Variants in TNS1 observed in about 807,000 individuals in gnomAD.
TNS1 encodes tensin 1.
TNS1 carries 62 observed loss-of-function variants against 168.6 expected under a neutral mutation model. That is an observed-to-expected ratio of 0.37 (90% CI 0.30 to 0.45). The LOEUF (loss-of-function observed/expected upper bound fraction) is 0.45. Ranked by LOEUF, TNS1 falls within the 20% of genes least tolerant of loss-of-function variation. The pLI is 1.00. For synonymous variants in TNS1, 934 were observed against 933.2 expected (o/e 1.00, Z -0.02); for missense variants, 2,240 against 2,339.4 (o/e 0.96, Z 0.88).
upstream of TNS1, among the ~76,000 whole-genome samples, chr2:218,005,203 G>A (rs888108691): frequency 1.3e-5 from 2 of 152,238 alleles, no homozygotes; most frequent in African/African-American, 4.8e-5. Flanking sequence ...CCTCCAGGCA[G>A]CTTTCTCTGG....
chr2:217,856,186 G>A (rs368889631), intron 18 of TNS1, among the ~76,000 whole-genome samples: 129 of 152,294 alleles, frequency 8.5e-4, no homozygotes, highest in African/African-American at 2.8e-3. Flanking sequence ...GAAATGGGGC[G>A]GCACACTGAG....
chr2:217,934,669 A>G (rs1956508446), intron 3 of TNS1, among the ~76,000 whole-genome samples: 1 of 152,188 alleles, frequency 6.6e-6, no homozygotes, highest in Admixed American at 6.5e-5. Context: ...TGGCCAGCCC[A>G]ACCCTGACAG....
intron 18 of TNS1, among the ~76,000 whole-genome samples, chr2:217,877,457 G>C (rs906246366): frequency 1.1e-4 from 17 of 152,234 alleles, no homozygotes; most frequent in Non-Finnish European, 2.1e-4. Context: ...TCCAGGAAAT[G>C]GGGTTGGTAC....
chr2:217,821,936 G>T lies in TNS1; in HGVS notation c.3376C>A (p.Pro1126Thr), dbSNP rs1190947465. 3 of 1,582,548 alleles carry T rather than the reference G, an allele frequency of 1.9e-6. No individual in the cohort carries two copies. In the African/African-American group the frequency reaches 4.1e-5, roughly 21 times the overall value. Residue 1126 changes from proline to threonine, a missense_variant and splice_region_variant, in exon 23 of 33, where the codon CCC becomes ACC. Physicochemically the swap from Pro to Thr is conservative, Grantham distance 38 (BLOSUM62 -1). Around this residue, in one of 2 missense-constraint regions of TNS1, gnomAD observed 2,131 missense variants for 2,171.2 expected, o/e 0.98. Coordinates refer to ENST00000682258, the MANE Select transcript of TNS1 (RefSeq NM_001387777.1). ...GCCACAGACTCCACATAGCTCCGGGGCTCTGGAAGGGGCAAGAGGACAGAG... is the reference window on the plus strand; with the variant it reads ...GCCACAGACTCCACATAGCTCCGGGTCTCTGGAAGGGGCAAGAGGACAGAG... The part of the protein sequence containing the change: ...ADILLHPTGE[P>T]RSYVESVART...
intron 3 of TNS1, among the ~76,000 whole-genome samples, chr2:217,945,774 C>T (rs1046632300): frequency 2.6e-5 from 4 of 152,154 alleles, no homozygotes; most frequent in African/African-American, 9.7e-5. Context: ...GCAAAGGTGA[C>T]CCCAACAACA....
At chr2:217,928,644 C>G (rs907616224) in intron 3 of TNS1, among the ~76,000 whole-genome samples, 2 of 152,174 alleles carry the variant, frequency 1.3e-5, no homozygotes, top group Non-Finnish European at 2.9e-5. Flanking sequence ...AGACAGGACA[C>G]AGGGGAGTCC....
At chr2:217,945,137 C>A (rs1957071099) in intron 3 of TNS1, among the ~76,000 whole-genome samples, 1 of 152,246 alleles carries the variant, frequency 6.6e-6, no homozygotes, top group Admixed American at 6.5e-5. Flanking sequence ...CTCCACACCA[C>A]TCAGACATCC....
Position 217,842,445 on chromosome 2 carries a change from T to C in TNS1, c.3007+5065A>G, listed in dbSNP as rs1202864376. 9.2e-5 allele frequency among the ~76,000 whole-genome samples: 14 copies of C among 152,246 alleles called. 1 individual carries two copies. Among genetic ancestry groups the C allele is most frequent in the Admixed American group, 8.5e-4 (13 of 15,292 alleles). ...AGGCCCCAGACCTAAGCGTTGTCTC[T>C]GACTTTTCTCTTTCTCTCTCATTCC... On this transcript the variant is annotated intron_variant, in intron 19 of 32. Transcript: ENST00000682258.
intron 2 of TNS1, among the ~76,000 whole-genome samples, chr2:217,988,828 C>T (rs891497368): frequency 6.6e-6 from 1 of 152,238 alleles, no homozygotes; most frequent in African/African-American, 2.4e-5. Flanking sequence ...GACGTGACCA[C>T]TGCCAACCTC....
chr2:217,962,989 T>G (rs948316060), intron 3 of TNS1, among the ~76,000 whole-genome samples: 3 of 151,532 alleles, frequency 2.0e-5, no homozygotes, highest in Admixed American at 6.6e-5. Flanking sequence ...TTAGGGGGAG[T>G]TGGGTGAAGG....
At chr2:217,899,029 G>A (rs913282281) in intron 7 of TNS1, among the ~76,000 whole-genome samples, 6 of 152,224 alleles carry the variant, frequency 3.9e-5, no homozygotes, top group African/African-American at 1.4e-4. Context: ...GGATAAAGTG[G>A]AGAGTGGAGG....
chr2:218,007,715 T>C (rs1239352161), upstream of TNS1, among the ~76,000 whole-genome samples: 1 of 151,980 alleles, frequency 6.6e-6, no homozygotes, highest in East Asian at 1.9e-4. Flanking sequence ...TCAGGGTCTG[T>C]CCCCTGATGC....
chr2:217,963,890 A>G (rs1416846812), intron 3 of TNS1, among the ~76,000 whole-genome samples: 2 of 62,666 alleles, frequency 3.2e-5, no homozygotes, highest in East Asian at 2.7e-4. Context: ...CTAAAAATAC[A>G]AAAAAAAAAA....
chr2:217,885,871 G>A (rs1229801311), intron 14 of TNS1, 52 bp from the exon 15 acceptor site: 2 of 1,594,138 alleles, frequency 1.3e-6, no homozygotes, highest in South Asian at 1.1e-5. Context: ...GGGGAGATGA[G>A]GGAGGGGCAT....
chr2:218,003,185 GC>G (rs577535371), upstream of TNS1, among the ~76,000 whole-genome samples: 22 of 151,500 alleles, frequency 1.5e-4, 1 homozygote, highest in South Asian at 3.8e-3. Context: ...CAGAGGCAGG[GC>G]CCCCCCAGGC....
intron 15 of TNS1, 54 bp from the exon 16 acceptor site, chr2:217,885,218 T>A: frequency 6.2e-7 from 1 of 1,610,518 alleles, no homozygotes. Flanking sequence ...GGAGGTCAGG[T>A]CCCAGGGAGC....
chr2:217,835,205 GAGA>G (rs773866134), intron 20 of TNS1, 39 bp from the exon 21 acceptor site: 60 of 1,575,962 alleles, frequency 3.8e-5, no homozygotes, highest in Non-Finnish European at 5.1e-5. Flanking sequence ...GGGAAACCAT[GAGA>G]AGGAGAGATT....
rs764238836 is a variant in TNS1, at chr2:217,948,864, C to T, written c.187-28628G>A. ...TCTCAAAGTGCAGAAATGTGCACAG[C>T]GCCAGGCCCTTTGCTGCACATCCCC... On this transcript the variant is annotated intron_variant, in intron 3 of 32. Transcript: ENST00000682258. This position sits in a 1 kb window ranked among gnomAD's most constrained non-coding sequence, Gnocchi z 4.1. Among the ~76,000 whole-genome samples, 46 of 152,040 alleles carry T rather than the reference C, an allele frequency of 3.0e-4. No homozygotes were observed. The highest frequency in any genetic ancestry group is 2.7e-3 in the Admixed American group (41 of 15,284).
intron 22 of TNS1, 137 bp from the exon 23 acceptor site, chr2:217,822,075 G>C (rs1278764811): frequency 1.0e-6 from 1 of 988,286 alleles, no homozygotes; most frequent in Non-Finnish European, 1.5e-6. Flanking sequence ...AGGACAGGCA[G>C]GGCTCCTGCC....
Sources: gnomAD v4.1 joint callset for allele counts (sites outside exome capture counted in the v4.1 genomes callset) on GRCh38, gnomAD v4.1.1 for gene constraint, gnomAD v4.1.1 regional missense constraint, Gnocchi (gnomAD v3.1) non-coding constraint, MANE v1.5 for transcripts, NCBI Gene and HGNC (gene_info 2026-07-23, HGNC 2026-07-21) for gene names.